The following IQCH variants were observed in gnomAD, a reference collection of about 807,000 sequenced individuals.
IQCH encodes the protein IQ motif containing H, also known as IQ domain-containing protein H.
IQCH carries 98 observed loss-of-function variants against 117.0 expected under a neutral mutation model. The ratio of observed to expected loss-of-function variants is 0.84; its 90% CI spans 0.71 to 0.99. IQCH has a LOEUF of 0.99. Among genes scored for constraint, IQCH ranks in the 50% least tolerant of loss-of-function variants. The pLI is 0.00. For synonymous variants in IQCH, 412 were observed against 448.2 expected (o/e 0.92, Z 1.02); for missense variants, 1,102 against 1,243.8 (o/e 0.89, Z 1.72).
At chr15:67,272,412 G>C (rs1382677912) in intron 3 of IQCH, among the ~76,000 whole-genome samples, 1 of 152,172 alleles carries the variant, frequency 6.6e-6, no homozygotes, top group African/African-American at 2.4e-5. Flanking sequence ...GCAGTTGGGT[G>C]AAATGTCCTT....
In IQCH at chr15:67,431,426, C is replaced by A. The variant is rs530380385; in HGVS notation, c.2505+9849C>A. 6.6e-6 allele frequency among the ~76,000 whole-genome samples: 1 copy of A among 152,050 alleles called. No homozygotes were observed. The highest frequency in any genetic ancestry group is 2.1e-4 in the South Asian group (1 of 4,814). The stretch of plus-strand genomic sequence containing the variant: ...GCATGTTCCCACTTATAAGTGGGAG[C>A]TAAATGATGAGAATACAGGGACACA... On this transcript the variant is annotated intron_variant, in intron 16 of 20. Coordinates refer to ENST00000335894, the MANE Select transcript of IQCH (RefSeq NM_001031715.3). This position sits in a 1 kb window ranked among gnomAD's most constrained non-coding sequence, Gnocchi z 4.8.
intron 16 of IQCH, among the ~76,000 whole-genome samples, chr15:67,446,877 C>T (rs1432592766): frequency 6.6e-6 from 1 of 152,136 alleles, no homozygotes; most frequent in African/African-American, 2.4e-5. Context: ...AGTGACTTGC[C>T]CGAAGTCCCA....
intron 6 of IQCH, among the ~76,000 whole-genome samples, chr15:67,353,037 T>C (rs1314383864): frequency 1.3e-5 from 2 of 151,752 alleles, no homozygotes; most frequent in East Asian, 1.9e-4. Flanking sequence ...TCTCAGCTAC[T>C]CAGGAGGCTG....
intron 18 of IQCH, among the ~76,000 whole-genome samples, chr15:67,478,354 C>T (rs1403960755): frequency 2.6e-5 from 4 of 151,812 alleles, no homozygotes; most frequent in African/African-American, 9.7e-5. Flanking sequence ...CACTGCACTC[C>T]AGCCTGGGCC....
chr15:67,489,451 A>C (rs988455431), intron 18 of IQCH, among the ~76,000 whole-genome samples: 1 of 151,746 alleles, frequency 6.6e-6, no homozygotes, highest in African/African-American at 2.4e-5. Flanking sequence ...TCAGCCTCTG[A>C]AGTAGCTGGA....
In IQCH at chr15:67,422,941, T is replaced by C. The variant is rs1309149493; in HGVS notation, c.2505+1364T>C. ...CGATATCCTCTGGTCATCCGCATTG[T>C]ACATATACTTTGGTTGTTTTAGGAT... On this transcript the variant is annotated intron_variant, in intron 16 of 20. Transcript: ENST00000335894. The surrounding 1 kb of genome is among the most constrained non-coding windows in gnomAD (Gnocchi z 4.7). Among the ~76,000 whole-genome samples, 1 of 152,256 alleles carries C rather than the reference T, an allele frequency of 6.6e-6. No individual in the cohort carries two copies. Among genetic ancestry groups the C allele is most frequent in the East Asian group, 1.9e-4 (1 of 5,206 alleles).
Position 67,473,300 on chromosome 15 carries a change from G to A in IQCH, c.2677-2396G>A, listed in dbSNP as rs780564093. ...CATGGCCAGCCCAGTATGGCAGGGC[G>A]AGCAGGCCTTGTGGCCATGCCCTTC... is the stretch of plus-strand genomic sequence containing the variant. On this transcript the variant is annotated intron_variant, in intron 17 of 20. Transcript: ENST00000335894. This position sits in a 1 kb window ranked among gnomAD's most constrained non-coding sequence, Gnocchi z 4.9. 2.0e-5 allele frequency among the ~76,000 whole-genome samples: 3 copies of A among 152,184 alleles called. No individual in the cohort carries two copies. The highest frequency in any genetic ancestry group is 2.9e-5 in the Non-Finnish European group (2 of 68,034).
At chr15:67,460,124 T>G (rs1410142303) in intron 16 of IQCH, 1 of 152,218 alleles carries the variant, frequency 6.6e-6, no homozygotes, top group African/African-American at 2.4e-5. Flanking sequence ...TATTAATACT[T>G]TCTTATTAAT....
At chr15:67,409,251 G>A (rs1047468003) in intron 14 of IQCH, among the ~76,000 whole-genome samples, 3 of 152,124 alleles carry the variant, frequency 2.0e-5, no homozygotes, top group African/African-American at 7.2e-5. Context: ...CTGCCTTTGT[G>A]TATGTGCAAA....
chr15:67,275,982 G>A (rs1966106125), intron 3 of IQCH, among the ~76,000 whole-genome samples: 2 of 152,104 alleles, frequency 1.3e-5, no homozygotes, highest in Non-Finnish European at 1.5e-5. Flanking sequence ...GTTCATTTTA[G>A]CATTGTATTT....
rs532413356 is a variant in IQCH at position 67,366,900 on chromosome 15, A to T, written c.754-5211A>T. 4.6e-4 allele frequency among the ~76,000 whole-genome samples: 70 copies of T among 152,336 alleles called. No individual in the cohort carries two copies. Among genetic ancestry groups the T allele is most frequent in the African/African-American group, 1.6e-3 (65 of 41,562 alleles). On this transcript the variant is annotated intron_variant, in intron 8 of 20. Transcript: ENST00000335894. This position sits in a 1 kb window ranked among gnomAD's most constrained non-coding sequence, Gnocchi z 4.4. ...TTTCTATCTGAAAAATAGAATACGAAAAAAATCCCCCAGGTTTTTTTCATG... is the reference window on the plus strand; with the variant it reads ...TTTCTATCTGAAAAATAGAATACGATAAAAATCCCCCAGGTTTTTTTCATG...
At chr15:67,293,369 T>C (rs1250715757) in intron 4 of IQCH, among the ~76,000 whole-genome samples, 2 of 152,122 alleles carry the variant, frequency 1.3e-5, no homozygotes, top group Non-Finnish European at 2.9e-5. Flanking sequence ...GGTCCCATGA[T>C]CTCCCTTGGA....
chr15:67,359,924 T>A lies in IQCH; in HGVS notation c.753+39T>A. 6.6e-7 allele frequency: 1 copy of A among 1,515,030 alleles called. No homozygotes were observed. The highest frequency in any genetic ancestry group is 9.2e-7 in the Non-Finnish European group (1 of 1,089,686). The allele number at this position is 1,515,030 out of a possible 1,614,324, so 93.8% of individuals were successfully genotyped here. A position where few individuals can be genotyped will look rare whatever the true frequency, so the allele number is the denominator to read the frequency against. ...GTGACTAGTTGAAATTTAGGGTCTG[T>A]CACCTGATGTCCCTTCCTTTTGCTG... is the stretch of plus-strand genomic sequence containing the variant. On this transcript the variant is annotated intron_variant, in intron 8 of 20. Transcript: ENST00000335894. This position sits in a 1 kb window ranked among gnomAD's most constrained non-coding sequence, Gnocchi z 4.5.
At chr15:67,271,410 A>G (rs1965894708) in intron 3 of IQCH, among the ~76,000 whole-genome samples, 1 of 152,222 alleles carries the variant, frequency 6.6e-6, no homozygotes, top group Admixed American at 6.5e-5. Context: ...TTTTGGTATC[A>G]GCATAATGCT....
In IQCH at chr15:67,303,172, T is replaced by A. The variant is rs927399623; in HGVS notation, c.387+23660T>A. ...GTTGCTCACAATACTTCTAACCTCC[T>A]TTTTAAAAAGTTGCGAAGCCTACAT... On this transcript the variant is annotated intron_variant, in intron 4 of 20. Transcript: ENST00000335894. 2.0e-5 allele frequency among the ~76,000 whole-genome samples: 3 copies of A among 152,200 alleles called. No individual in the cohort carries two copies. The East Asian group carries it at 5.8e-4, about 29-fold the overall frequency.
chr15:67,486,038 C>CTTTTTTTTT (rs55963427), intron 18 of IQCH, among the ~76,000 whole-genome samples: 1 of 106,306 alleles, frequency 9.4e-6, no homozygotes, highest in African/African-American at 3.7e-5. Context: ...GCTAAGTTTT[C>CTTTTTTTTT]TTTTTTTTTT....
chr15:67,472,490 G>A lies in IQCH; in HGVS notation c.2677-3206G>A, dbSNP rs2083095324. Among the ~76,000 whole-genome samples, 2 of 152,174 alleles carry A rather than the reference G, an allele frequency of 1.3e-5. No individual in the cohort carries two copies. The highest frequency in any genetic ancestry group is 1.3e-4 in the Admixed American group (2 of 15,276). On this transcript the variant is annotated intron_variant, in intron 17 of 20. Coordinates refer to ENST00000335894, the MANE Select transcript of IQCH (RefSeq NM_001031715.3). The surrounding 1 kb of genome is among the most constrained non-coding windows in gnomAD (Gnocchi z 4.3). ...ATACTGTTCAGAATCCCAGGAGATGGGGGAAGAGTAGGGGAAAAAACAGCC... is the reference window on the plus strand; with the variant it reads ...ATACTGTTCAGAATCCCAGGAGATGAGGGAAGAGTAGGGGAAAAAACAGCC...
chr15:67,259,793 G>A (rs1355557564), intron 1 of IQCH, among the ~76,000 whole-genome samples: 1 of 152,214 alleles, frequency 6.6e-6, no homozygotes, highest in Non-Finnish European at 1.5e-5. Flanking sequence ...TGGCAAATCA[G>A]CTTGCAGCAG....
intron 4 of IQCH, among the ~76,000 whole-genome samples, chr15:67,335,579 GA>G (rs932546659): frequency 8.5e-5 from 13 of 152,326 alleles, no homozygotes; most frequent in African/African-American, 3.1e-4. Flanking sequence ...ATTAGGAGGA[GA>G]TCCTGGAAGC....
Sources: allele counts gnomAD v4.1 joint callset (sites outside exome capture counted in the v4.1 genomes callset), GRCh38; gene constraint gnomAD v4.1.1; non-coding constraint Gnocchi (gnomAD v3.1); transcripts MANE v1.5; gene names NCBI Gene and HGNC (gene_info 2026-07-23, HGNC 2026-07-21).